The following CLIP1 variants were observed in gnomAD, a reference collection of about 807,000 sequenced individuals.
CLIP1 encodes CAP-Gly domain containing linker protein 1.
CLIP1 carries 66 observed loss-of-function variants against 161.6 expected under a neutral mutation model. The ratio of observed to expected loss-of-function variants is 0.41; its 90% CI spans 0.33 to 0.50. The LOEUF is 0.50. Ranked by LOEUF, CLIP1 falls within the 20% of genes least tolerant of loss-of-function variation. The probability of loss-of-function intolerance (pLI) is 0.27; values close to 1 mark genes in which losing one functional copy is unlikely to be tolerated. For missense variants in CLIP1, 1,376 were observed against 1,702.0 expected, an observed-to-expected ratio of 0.81 and a Z score of 3.37; for synonymous variants, 598 against 626.2, an observed-to-expected ratio of 0.96 and a Z score of 0.67.
At chr12:122,400,106 C>CGGCTTGAGCCACTGA (rs1315700094) in intron 1 of CLIP1, 1 of 152,182 alleles carries the variant, frequency 6.6e-6, no homozygotes, top group Non-Finnish European at 1.5e-5. Flanking sequence ...CTGAGCTCCT[C>CGGCTTGAGCCACTGA]GGCTTGAGCC....
In CLIP1 at chr12:122,323,276, T is replaced by C. The variant is rs1401618321; in HGVS notation, c.3250-3928A>G. ...CTTCTCATTCAGGCTCATCTCAGTA[T>C]GGGCAGCCTCTTCTAAGCATTTGTG... is the stretch of plus-strand genomic sequence containing the variant. On this transcript the variant is annotated intron_variant, in intron 17 of 25. Transcript: ENST00000620786. This position sits in a 1 kb window ranked among gnomAD's most constrained non-coding sequence, Gnocchi z 4.1. The C allele has an allele frequency of 1.3e-5, 2 of 152,646 alleles. No homozygotes were observed. Among genetic ancestry groups the C allele is most frequent in the African/African-American group, 4.8e-5 (2 of 41,448 alleles). The allele number at this position is 152,646 out of a possible 1,614,324, so 9.5% of individuals were successfully genotyped here. A position where few individuals can be genotyped will look rare whatever the true frequency, so the allele number is the denominator to read the frequency against.
At chr12:122,295,712 G>A (rs1224381269) in intron 20 of CLIP1, among the ~76,000 whole-genome samples, 10 of 152,184 alleles carry the variant, frequency 6.6e-5, no homozygotes, top group African/African-American at 2.4e-4. Context: ...GGGTACTGAA[G>A]CCTTCAGCTA....
intron 1 of CLIP1, among the ~76,000 whole-genome samples, chr12:122,407,570 G>A (rs1207443226): frequency 2.6e-5 from 4 of 151,452 alleles, no homozygotes; most frequent in African/African-American, 7.3e-5. Flanking sequence ...GTATGGTGTC[G>A]CGTGCCTGCA....
In CLIP1 at chr12:122,283,795, A is replaced by G. The variant is rs532816689; in HGVS notation, c.3648-4650T>C. Among the ~76,000 whole-genome samples the G allele has an allele frequency of 1.1e-4, 17 of 152,264 alleles. No individual in the cohort carries two copies. In the Middle Eastern group the frequency reaches 0.017, roughly 152 times the overall value. ...CAGTTTAATCCTACAGTTGGGAGTAAGTTCTGCACTTGAATATCATGACTA... is the reference window on the plus strand; with the variant it reads ...CAGTTTAATCCTACAGTTGGGAGTAGGTTCTGCACTTGAATATCATGACTA... On this transcript the variant is annotated intron_variant, in intron 21 of 25. Transcript: ENST00000620786.
chr12:122,299,315 G>A (rs1157398743), intron 20 of CLIP1, among the ~76,000 whole-genome samples: 1 of 152,016 alleles, frequency 6.6e-6, no homozygotes. Flanking sequence ...AGGTTAAGAG[G>A]ATTCTAGAGA....
chr12:122,377,566 G>C lies in CLIP1; in HGVS notation c.480C>G (p.Ser160=). ...CTSTASMVSS[S]PSTPSNIPQK... The stretch of plus-strand genomic sequence containing the variant: ...GAGGGATGTTTGAAGGGGTGGAGGG[G>C]GAGGAAGACACCATGCTGGCCGTAG... The change falls in exon 3 of 26, where the codon TCC becomes TCG. Residue 160 remains serine (S), a synonymous_variant. Coordinates refer to ENST00000620786, the MANE Select transcript of CLIP1 (RefSeq NM_001247997.2). The C allele has an allele frequency of 1.2e-6, 2 of 1,613,960 alleles. No homozygotes were observed. The highest frequency in any genetic ancestry group is 1.7e-6 in the Non-Finnish European group (2 of 1,180,020).
intron 7 of CLIP1, among the ~76,000 whole-genome samples, chr12:122,353,857 C>T (rs957132073): frequency 1.3e-5 from 2 of 151,778 alleles, no homozygotes; most frequent in Non-Finnish European, 2.9e-5. Context: ...TCTCGAACTT[C>T]TGACCTCAAG....
intron 19 of CLIP1, among the ~76,000 whole-genome samples, chr12:122,314,323 T>C (rs1281633876): frequency 4.0e-5 from 6 of 148,208 alleles, no homozygotes; most frequent in Non-Finnish European, 5.9e-5. Context: ...ACAAAAAAAT[T>C]AGCTGGGCAT....
At chr12:122,360,925 G>A (rs1456420563) in intron 5 of CLIP1, 34 bp downstream of exon 5, 1 of 1,550,898 alleles carries the variant, frequency 6.4e-7, no homozygotes, top group South Asian at 1.1e-5. Context: ...TCCTGCCTGG[G>A]AAGTGGAGGC....
At chr12:122,302,037 T>TGG (rs761996108) in intron 20 of CLIP1, among the ~76,000 whole-genome samples, 7 of 152,292 alleles carry the variant, frequency 4.6e-5, no homozygotes, top group East Asian at 1.9e-4. Flanking sequence ...GCAGTTGGGT[T>TGG]GGTTTTTTTA....
intron 20 of CLIP1, among the ~76,000 whole-genome samples, chr12:122,303,001 G>C (rs1225384091): frequency 6.6e-6 from 1 of 152,174 alleles, no homozygotes; most frequent in Non-Finnish European, 1.5e-5. Flanking sequence ...AAATTGCTGG[G>C]ATTACAGGCA....
chr12:122,339,638 AAT>A (rs1952402817), intron 11 of CLIP1, among the ~76,000 whole-genome samples: 1 of 152,128 alleles, frequency 6.6e-6, no homozygotes, highest in African/African-American at 2.4e-5. Context: ...GTTAATTTAT[AAT>A]AGTCAAGAAG....
At position 122,377,441 on chromosome 12, in the gene CLIP1, G is replaced by A; in HGVS notation, c.605C>T (p.Ala202Val). ...ASESISNLSEAGSIKKGEREL... is the reference protein window; with the variant it reads ...ASESISNLSEVGSIKKGEREL... ...TCTTTCTCCTTTCTTGATTGAGCCA[G>A]CCTCTGAAAGGTTGGAGATAGATTC... The change falls in exon 3 of 26, where the codon GCT (alanine) becomes GTT (valine). Residue 202 changes from alanine to valine, a missense_variant. Around this residue, in one of 6 missense-constraint regions of CLIP1, gnomAD observed 119 missense variants for 112.0 expected, o/e 1.06. Coordinates refer to ENST00000620786, the MANE Select transcript of CLIP1 (RefSeq NM_001247997.2). 6.2e-7 allele frequency: 1 copy of A among 1,614,158 alleles called. No homozygotes were observed. Among genetic ancestry groups the A allele is most frequent in the Non-Finnish European group, 8.5e-7 (1 of 1,180,040 alleles).
intron 3 of CLIP1, among the ~76,000 whole-genome samples, chr12:122,374,554 G>A (rs1260597465): frequency 6.6e-6 from 1 of 152,032 alleles, no homozygotes; most frequent in Admixed American, 6.6e-5. Context: ...ACGAGGTCAG[G>A]GGTTTGAGAC....
intron 15 of CLIP1, among the ~76,000 whole-genome samples, chr12:122,331,418 G>A (rs922892802): frequency 6.6e-6 from 1 of 151,968 alleles, no homozygotes; most frequent in Non-Finnish European, 1.5e-5. Flanking sequence ...GGGTTCAAGC[G>A]ATTCTCCTGC....
intron 1 of CLIP1, among the ~76,000 whole-genome samples, chr12:122,404,862 T>A (rs553959472): frequency 7.2e-6 from 1 of 139,694 alleles, no homozygotes; most frequent in Non-Finnish European, 1.5e-5. Flanking sequence ...ATCGCGCCAC[T>A]GCACTCCAGC....
Position 122,361,008 on chromosome 12 carries a change from A to G in CLIP1, c.956T>C (p.Met319Thr), listed in dbSNP as rs1281466237. Residue 319 changes from methionine to threonine, a missense_variant, in exon 5 of 26, where the codon ATG becomes ACG. By Grantham distance (81) the Met-to-Thr change is moderately conservative. Transcript: ENST00000620786. ...RSPSASSLSS[M>T]SSVASSVSSR... ...GCTCACAGAGGAGGCCACTGAGCTC[A>G]TGGAGCTGAGGGAAGAGGCAGAAGG... The G allele has an allele frequency of 6.2e-7, 1 of 1,614,054 alleles. No homozygotes were observed. Among genetic ancestry groups the G allele is most frequent in the Non-Finnish European group, 8.5e-7 (1 of 1,179,976 alleles).
intron 13 of CLIP1, 48 bp from the exon 14 acceptor site, chr12:122,334,158 G>T: frequency 1.7e-6 from 2 of 1,146,784 alleles, no homozygotes; most frequent in Non-Finnish European, 2.6e-6. Flanking sequence ...TATTTAATAA[G>T]CTATCTGGAG....
chr12:122,310,416 A>G (rs1315050316), intron 19 of CLIP1, among the ~76,000 whole-genome samples: 2 of 152,250 alleles, frequency 1.3e-5, no homozygotes, highest in Non-Finnish European at 2.9e-5. Context: ...GGACAACTAG[A>G]GGCGGAATGC....
Sources: allele counts gnomAD v4.1 joint callset (sites outside exome capture counted in the v4.1 genomes callset), GRCh38; gene constraint gnomAD v4.1.1; regional missense constraint gnomAD v4.1.1; non-coding constraint Gnocchi (gnomAD v3.1); transcripts MANE v1.5; gene names NCBI Gene and HGNC (gene_info 2026-07-23, HGNC 2026-07-21).